Variants in EFNA5 observed in about 807,000 individuals in gnomAD.
EFNA5 encodes ephrin A5.
EFNA5 carries 5 observed loss-of-function variants against 22.9 expected under a neutral mutation model. The observed-to-expected ratio is 0.22, with a 90% CI of 0.11 to 0.46. The LOEUF is 0.46. Ranked by LOEUF, EFNA5 falls within the 20% of genes least tolerant of loss-of-function variation. EFNA5 has a pLI of 0.99. For missense variants in EFNA5, 237 were observed against 293.3 expected (o/e 0.81, Z 1.40); for synonymous variants, 113 against 112.2 (o/e 1.01, Z -0.04).
intron 1 of EFNA5, among the ~76,000 whole-genome samples, chr5:107,456,500 T>A (rs78529238): frequency 6.6e-6 from 1 of 152,106 alleles, no homozygotes; most frequent in African/African-American, 2.4e-5. Flanking sequence ...AAAAGTGGCA[T>A]GTGTAGAAGC....
chr5:107,410,426 A>T (rs1025221521), intron 2 of EFNA5, among the ~76,000 whole-genome samples: 36 of 152,206 alleles, frequency 2.4e-4, no homozygotes, highest in Non-Finnish European at 4.4e-5. Context: ...AAAGGACTAG[A>T]TGATGAATGG....
intron 1 of EFNA5, among the ~76,000 whole-genome samples, chr5:107,611,190 C>T (rs558570892): frequency 6.6e-6 from 1 of 151,840 alleles, no homozygotes; most frequent in Non-Finnish European, 1.5e-5. Flanking sequence ...CCAGAGCCCA[C>T]CGACAAAAAT....
At chr5:107,646,041 A>T (rs1360070686) in intron 1 of EFNA5, among the ~76,000 whole-genome samples, 2 of 152,212 alleles carry the variant, frequency 1.3e-5, no homozygotes, top group Non-Finnish European at 2.9e-5. Flanking sequence ...CTTCCAATTA[A>T]CAAATAAAAA....
At chr5:107,389,743 G>T (rs1426024325) in intron 2 of EFNA5, among the ~76,000 whole-genome samples, 1 of 152,176 alleles carries the variant, frequency 6.6e-6, no homozygotes, top group Non-Finnish European at 1.5e-5. Flanking sequence ...AAACTGGAGA[G>T]TTCTCTCCAT....
chr5:107,449,584 T>C (rs528647630), intron 1 of EFNA5, among the ~76,000 whole-genome samples: 1 of 142,800 alleles, frequency 7.0e-6, no homozygotes, highest in African/African-American at 2.6e-5. Context: ...ACAAGTATAA[T>C]GATGAGAAAA....
Position 107,511,041 on chromosome 5 carries a change from T to TGTGTGTGTGA in EFNA5, c.126-83533_126-83532insTCACACACAC, listed in dbSNP as rs1363882358. Among the ~76,000 whole-genome samples the TGTGTGTGTGA allele has an allele frequency of 4.3e-4, 65 of 149,854 alleles. 1 individual carries two copies. Among genetic ancestry groups the TGTGTGTGTGA allele is most frequent in the Middle Eastern group, 6.9e-3 (2 of 290 alleles). Reference sequence around the variant, plus strand: ...GTGTGTGTGTGTGTGTGTGTGTGTGTGAGACGGAGAGTTTTGCTCTTGTTG... The same window carrying TGTGTGTGTGA: ...GTGTGTGTGTGTGTGTGTGTGTGTGTGTGTGTGTGAGAGACGGAGAGTTTTGCTCTTGTTG... On this transcript the variant is annotated intron_variant, in intron 1 of 4. Coordinates refer to ENST00000333274, the MANE Select transcript of EFNA5 (RefSeq NM_001962.3).
At chr5:107,458,696 A>AT (rs1357854593) in intron 1 of EFNA5, among the ~76,000 whole-genome samples, 1 of 152,158 alleles carries the variant, frequency 6.6e-6, no homozygotes, top group Non-Finnish European at 1.5e-5. Context: ...ATTTGCTTAA[A>AT]TCGTAAGGGA....
intron 1 of EFNA5, among the ~76,000 whole-genome samples, chr5:107,454,069 C>A (rs1295860333): frequency 2.0e-5 from 3 of 152,082 alleles, no homozygotes; most frequent in South Asian, 2.1e-4. Flanking sequence ...GCCAATAATT[C>A]CCTTCATAGC....
At chr5:107,513,936 T>A (rs915218708) in intron 1 of EFNA5, among the ~76,000 whole-genome samples, 2 of 152,192 alleles carry the variant, frequency 1.3e-5, no homozygotes, top group Non-Finnish European at 2.9e-5. Flanking sequence ...TGGGTCAGCG[T>A]CGCACAGGTG....
intron 1 of EFNA5, among the ~76,000 whole-genome samples, chr5:107,441,107 T>TCAGATTTC (rs1489149748): frequency 3.3e-5 from 5 of 152,022 alleles, no homozygotes; most frequent in Non-Finnish European, 7.4e-5. Flanking sequence ...GGATTTCACC[T>TCAGATTTC]TGGTATATCT....
At chr5:107,621,195 G>C (rs1750030461) in intron 1 of EFNA5, among the ~76,000 whole-genome samples, 1 of 152,172 alleles carries the variant, frequency 6.6e-6, no homozygotes, top group Non-Finnish European at 1.5e-5. Flanking sequence ...AACTTTAGCA[G>C]AAACATCTAG....
At chr5:107,634,394 G>T (rs1466204869) in intron 1 of EFNA5, among the ~76,000 whole-genome samples, 1 of 152,138 alleles carries the variant, frequency 6.6e-6, no homozygotes, top group Admixed American at 6.5e-5. Flanking sequence ...GTATGCATCT[G>T]TGGTCCTAGT....
In EFNA5 at chr5:107,381,173, T is replaced by A. The variant is rs1278292354; in HGVS notation, c.*82A>T. The stretch of plus-strand genomic sequence containing the variant: ...CTGCCAAAACCCAATAACAAGTCCC[T>A]TCTTAGGATGAGCAGTTAGGTGGAT... On this transcript the variant is annotated 3_prime_UTR_variant, in exon 5 of 5. Transcript: ENST00000333274. The A allele has an allele frequency of 1.3e-6, 2 of 1,514,034 alleles. No homozygotes were observed. The highest frequency in any genetic ancestry group is 1.8e-6 in the Non-Finnish European group (2 of 1,117,670). 93.8% of individuals were successfully genotyped at this position (1,514,034 alleles called of 1,614,324 possible). A position where few individuals can be genotyped will look rare whatever the true frequency, so the allele number is the denominator to read the frequency against.
chr5:107,460,401 C>T (rs1431124955), intron 1 of EFNA5, among the ~76,000 whole-genome samples: 2 of 152,090 alleles, frequency 1.3e-5, no homozygotes, highest in Non-Finnish European at 2.9e-5. Flanking sequence ...CATGAACTAT[C>T]CATGAGTGCA....
chr5:107,608,822 T>C (rs1206797353), intron 1 of EFNA5, among the ~76,000 whole-genome samples: 1 of 152,232 alleles, frequency 6.6e-6, no homozygotes, highest in Non-Finnish European at 1.5e-5. Context: ...AACGCTCGGT[T>C]TATTCCAGAA....
At chr5:107,443,465 T>C (rs1418799581) in intron 1 of EFNA5, among the ~76,000 whole-genome samples, 2 of 152,202 alleles carry the variant, frequency 1.3e-5, no homozygotes, top group Non-Finnish European at 2.9e-5. Context: ...CAGAGTATCA[T>C]TCCCCAAGCA....
intron 1 of EFNA5, among the ~76,000 whole-genome samples, chr5:107,483,225 G>A (rs1328758579): frequency 6.6e-6 from 1 of 151,756 alleles, no homozygotes; most frequent in African/African-American, 2.4e-5. Context: ...TTTTCCCCTG[G>A]GGAGAGGGGA....
intron 1 of EFNA5, among the ~76,000 whole-genome samples, chr5:107,494,307 G>A (rs1746904401): frequency 1.3e-5 from 2 of 152,332 alleles, no homozygotes; most frequent in South Asian, 2.1e-4. Context: ...GGAGTTCCGG[G>A]TGGGCGTGGG....
chr5:107,606,637 C>T (rs369238229), intron 1 of EFNA5, among the ~76,000 whole-genome samples: 38 of 151,534 alleles, frequency 2.5e-4, no homozygotes, highest in East Asian at 1.4e-3. Context: ...ATTAGCTGTA[C>T]GACTTTGGAA....
Sources: allele counts gnomAD v4.1 joint callset (sites outside exome capture counted in the v4.1 genomes callset), GRCh38; gene constraint gnomAD v4.1.1; transcripts MANE v1.5; gene names NCBI Gene and HGNC (gene_info 2026-07-23, HGNC 2026-07-21).